ZCCHC24: variants seen among roughly 807,000 people sequenced by gnomAD.
The protein encoded by ZCCHC24 is zinc finger CCHC domain-containing protein 24.
Under a neutral mutation model 26.2 loss-of-function variants are expected in ZCCHC24, and 10 were observed. The observed-to-expected ratio is 0.38, with a 90% confidence interval of 0.24 to 0.65. The LOEUF (loss-of-function observed/expected upper bound fraction) is 0.65, where lower values mean the gene tolerates loss of function less well. ZCCHC24 is among the 30% of genes least tolerant of loss of function. The pLI is 0.54. For synonymous variants in ZCCHC24, 144 were observed against 147.1 expected, an observed-to-expected ratio of 0.98 and a Z score of 0.15; for missense variants, 243 against 329.1, an observed-to-expected ratio of 0.74 and a Z score of 2.03.
chr10:79,425,848 G>A (rs1295315235), intron 2 of ZCCHC24, among the ~76,000 whole-genome samples: 2 of 151,988 alleles, frequency 1.3e-5, no homozygotes, highest in East Asian at 1.9e-4. Context: ...GAGGACAATA[G>A]CAGCTGTTTT....
intron 2 of ZCCHC24, among the ~76,000 whole-genome samples, chr10:79,410,036 C>G (rs1856769973): frequency 6.6e-6 from 1 of 152,238 alleles, no homozygotes; most frequent in Non-Finnish European, 1.5e-5. Flanking sequence ...GTCAGGAGGC[C>G]CATTCTGGCC....
intron 3 of ZCCHC24, among the ~76,000 whole-genome samples, chr10:79,390,291 G>A (rs1430079363): frequency 6.6e-6 from 1 of 152,238 alleles, no homozygotes; most frequent in African/African-American, 2.4e-5. Flanking sequence ...TCCATAAAAT[G>A]GGGGCTAAGT....
Position 79,421,556 on chromosome 10 carries a change from C to T in ZCCHC24, c.447+11002G>A, listed in dbSNP as rs1856937636. On this transcript the variant is annotated intron_variant, in intron 2 of 3. Transcript: ENST00000372336. ...ACACTTTCTTTGCTAATTCCACTGT[C>T]TAACATTCAAAGGGCTTTTTGTCTG... Among the ~76,000 whole-genome samples the T allele has an allele frequency of 4.0e-5, 6 of 151,168 alleles. No individual in the cohort carries two copies. In the South Asian group the frequency reaches 1.3e-3, roughly 31 times the overall value.
chr10:79,399,773 GC>G (rs759295578), intron 2 of ZCCHC24, among the ~76,000 whole-genome samples: 1 of 152,206 alleles, frequency 6.6e-6, no homozygotes, highest in Non-Finnish European at 1.5e-5. Context: ...AGTGGGAGGG[GC>G]CCCCCGGGCA....
intron 2 of ZCCHC24, among the ~76,000 whole-genome samples, chr10:79,396,722 G>T (rs1214561625): frequency 6.6e-6 from 1 of 152,228 alleles, no homozygotes; most frequent in African/African-American, 2.4e-5. Context: ...TTACGTTAAA[G>T]AAGTGCTGGG....
intron 2 of ZCCHC24, among the ~76,000 whole-genome samples, chr10:79,401,931 G>A (rs936390685): frequency 6.6e-6 from 1 of 152,240 alleles, no homozygotes. Context: ...AGGTGGCCCT[G>A]GGCTCCAGTC....
intron 2 of ZCCHC24, among the ~76,000 whole-genome samples, chr10:79,413,677 G>A (rs536551573): frequency 8.7e-4 from 133 of 152,284 alleles, no homozygotes; most frequent in African/African-American, 3.1e-3. Context: ...CCCTGGGTTT[G>A]GATGCCAGCT....
At chr10:79,423,464 T>C (rs1856974501) in intron 2 of ZCCHC24, among the ~76,000 whole-genome samples, 2 of 150,200 alleles carry the variant, frequency 1.3e-5, no homozygotes, top group South Asian at 4.2e-4. Context: ...GGGAGGAGAA[T>C]AGCTTGAACC....
intron 2 of ZCCHC24, among the ~76,000 whole-genome samples, chr10:79,429,824 C>T (rs2132215705): frequency 6.6e-6 from 1 of 152,242 alleles, no homozygotes; most frequent in South Asian, 2.1e-4. Flanking sequence ...TCATTTGTGA[C>T]ACAGGTTTCT....
At chr10:79,404,191 G>A (rs753230501) in intron 2 of ZCCHC24, among the ~76,000 whole-genome samples, 12 of 152,280 alleles carry the variant, frequency 7.9e-5, no homozygotes, top group South Asian at 2.1e-4. Flanking sequence ...CCAACACCCC[G>A]TGCCTCCAGC....
intron 2 of ZCCHC24, among the ~76,000 whole-genome samples, chr10:79,409,580 A>G (rs1435947052): frequency 1.3e-5 from 2 of 151,560 alleles, no homozygotes; most frequent in Non-Finnish European, 2.9e-5. Context: ...CCATTTGGAC[A>G]TGACTATCAG....
At chr10:79,437,761 C>G (rs1857235077) in intron 1 of ZCCHC24, among the ~76,000 whole-genome samples, 1 of 152,216 alleles carries the variant, frequency 6.6e-6, no homozygotes, top group Non-Finnish European at 1.5e-5. Context: ...ATACGGGGTG[C>G]AGAGACAGAG....
chr10:79,418,564 C>T (rs907676705), intron 2 of ZCCHC24, among the ~76,000 whole-genome samples: 3 of 152,322 alleles, frequency 2.0e-5, no homozygotes, highest in South Asian at 4.1e-4. Flanking sequence ...TGCAAGAGGA[C>T]GTGTTTGGGC....
At chr10:79,432,411 A>C in intron 2 of ZCCHC24, 147 bp downstream of exon 2, 1 of 829,538 alleles carries the variant, frequency 1.2e-6, no homozygotes, top group Non-Finnish European at 1.8e-6. Flanking sequence ...CCCAGCAGGG[A>C]CAAAAGGGTA....
intron 1 of ZCCHC24, among the ~76,000 whole-genome samples, chr10:79,442,041 T>C (rs1857297268): frequency 6.6e-6 from 1 of 152,152 alleles, no homozygotes; most frequent in Non-Finnish European, 1.5e-5. Flanking sequence ...GAAGACCCCA[T>C]GCAGCCCAGC....
chr10:79,438,931 C>T (rs1857254696), intron 1 of ZCCHC24, among the ~76,000 whole-genome samples: 1 of 152,208 alleles, frequency 6.6e-6, no homozygotes. Flanking sequence ...CGGGCTGCCT[C>T]TTACTGCTAG....
At chr10:79,417,091 C>A (rs1193393343) in intron 2 of ZCCHC24, among the ~76,000 whole-genome samples, 2 of 152,236 alleles carry the variant, frequency 1.3e-5, no homozygotes, top group African/African-American at 4.8e-5. Flanking sequence ...CCTTCCCCCT[C>A]CCCGGGATCA....
chr10:79,390,044 A>G (rs191018689), intron 3 of ZCCHC24, among the ~76,000 whole-genome samples: 1 of 151,932 alleles, frequency 6.6e-6, no homozygotes, highest in Non-Finnish European at 1.5e-5. Context: ...TTTAAAAAAA[A>G]TTTTTTTATA....
chr10:79,441,079 A>AACACACACACACACACACACACACAC (rs55762333), intron 1 of ZCCHC24, among the ~76,000 whole-genome samples: 10 of 135,662 alleles, frequency 7.4e-5, no homozygotes, highest in East Asian at 6.5e-4. Flanking sequence ...CTGCCCCCTA[A>AACACACACACACACACACACACACAC]ACACACACAC....
Sources: allele counts gnomAD v4.1 joint callset (sites outside exome capture counted in the v4.1 genomes callset), GRCh38; gene constraint gnomAD v4.1.1; transcripts MANE v1.5; gene names NCBI Gene and HGNC (gene_info 2026-07-23, HGNC 2026-07-21).